The following RAPGEF2 variants were observed in gnomAD, a reference collection of about 807,000 sequenced individuals.
RAPGEF2 encodes Rap guanine nucleotide exchange factor 2, also known as PDZ domain containing guanine nucleotide exchange factor (GEF) 1.
Under a neutral mutation model 186.7 loss-of-function variants are expected in RAPGEF2, and 54 were observed. The ratio of observed to expected loss-of-function variants is 0.29; its 90% CI spans 0.23 to 0.36. The LOEUF is 0.36. Among genes scored for constraint, RAPGEF2 ranks in the 10% least tolerant of loss-of-function variants. RAPGEF2 has a pLI of 1.00. For synonymous variants in RAPGEF2, 712 were observed against 705.9 expected, an observed-to-expected ratio of 1.01 and a Z score of -0.14; for missense variants, 1,532 against 2,045.0, an observed-to-expected ratio of 0.75 and a Z score of 4.84.
chr4:159,309,996 G>A (rs528820181), intron 8 of RAPGEF2, among the ~76,000 whole-genome samples: 2 of 151,854 alleles, frequency 1.3e-5, no homozygotes, highest in African/African-American at 4.8e-5. Context: ...TTTAATAAAG[G>A]ATCAAAACAT....
chr4:159,264,549 C>CT (rs1757221124), intron 7 of RAPGEF2, among the ~76,000 whole-genome samples: 1 of 151,910 alleles, frequency 6.6e-6, no homozygotes, highest in African/African-American at 2.4e-5. Context: ...ATTGTTTAAT[C>CT]CCTGAGTTGC....
At chr4:159,315,577 G>A (rs1001889309) in intron 9 of RAPGEF2, among the ~76,000 whole-genome samples, 5 of 152,120 alleles carry the variant, frequency 3.3e-5, no homozygotes, top group Non-Finnish European at 5.9e-5. Flanking sequence ...TAGTGGCCCC[G>A]AATGCCAGGC....
intron 1 of RAPGEF2, among the ~76,000 whole-genome samples, chr4:159,181,316 T>C (rs1437742164): frequency 6.6e-6 from 1 of 152,246 alleles, no homozygotes; most frequent in Non-Finnish European, 1.5e-5. Context: ...CTTAGACTTC[T>C]CCATCCTTTC....
chr4:159,339,303 G>T lies in RAPGEF2; in HGVS notation c.2483G>T (p.Arg828Ile). ...CCTGAGGGAGTAATCAAACAAAGAA[G>T]ACTTCCAGATCAGCTTTCCAAACTT... The part of the protein sequence containing the change: ...VTPEGVIKQR[R>I]LPDQLSKLAD... The change falls in exon 19 of 30, where the codon AGA becomes ATA. Residue 828 changes from arginine to isoleucine, a missense_variant. Arg to Ile is a moderately conservative substitution (Grantham distance 97). Transcript: ENST00000691494. 3 of 1,614,098 alleles carry T rather than the reference G, an allele frequency of 1.9e-6. No individual in the cohort carries two copies. The highest frequency in any genetic ancestry group is 2.5e-6 in the Non-Finnish European group (3 of 1,179,996).
chr4:159,127,455 G>A (rs1375721609), intron 1 of RAPGEF2, among the ~76,000 whole-genome samples: 1 of 152,126 alleles, frequency 6.6e-6, no homozygotes, highest in East Asian at 1.9e-4. Flanking sequence ...CTCATTTAAT[G>A]CCATGTTCCC....
At chr4:159,343,240 A>G in intron 21 of RAPGEF2, 41 bp from the exon 22 acceptor site, 1 of 1,614,102 alleles carries the variant, frequency 6.2e-7, no homozygotes, top group South Asian at 1.1e-5. Flanking sequence ...AGCACAGAAT[A>G]AATGCCATGT....
intron 1 of RAPGEF2, among the ~76,000 whole-genome samples, chr4:159,106,495 C>G (rs542762801): frequency 6.6e-6 from 1 of 152,210 alleles, no homozygotes; most frequent in African/African-American, 2.4e-5. Context: ...TCCATACAGC[C>G]TTGTCTTATA....
At position 159,111,613 on chromosome 4, in the gene RAPGEF2, C is replaced by G. The variant is rs146987010; in HGVS notation, c.69+7382C>G. 2.7e-3 allele frequency among the ~76,000 whole-genome samples: 410 copies of G among 152,258 alleles called. 1 individual carries two copies. The highest frequency in any genetic ancestry group is 9.2e-3 in the African/African-American group (383 of 41,544). On this transcript the variant is annotated intron_variant, in intron 1 of 29. Transcript: ENST00000691494. ...TCTGGGGAGGTCTGATAGTAACTTT[C>G]TTAGAAGCCAACAATCAGTGGATCT...
At chr4:159,346,362 AT>A (rs1271239158) in intron 24 of RAPGEF2, among the ~76,000 whole-genome samples, 3 of 152,232 alleles carry the variant, frequency 2.0e-5, no homozygotes, top group Non-Finnish European at 4.4e-5. Context: ...AGTTGACAGC[AT>A]TTATTAAATA....
At chr4:159,273,061 G>A (rs1758313702) in intron 7 of RAPGEF2, among the ~76,000 whole-genome samples, 1 of 152,126 alleles carries the variant, frequency 6.6e-6, no homozygotes, top group African/African-American at 2.4e-5. Context: ...AAAGCACCAG[G>A]ACTAATTGTA....
chr4:159,350,270 A>G lies in RAPGEF2; in HGVS notation c.3846A>G (p.Pro1282=). ...SSQLSSPPTS[P]QSSPRKGYTL... is the part of the protein sequence containing the mutation. ...AGCTTTCTTCTCCTCCTACTTCTCC[A>G]CAGAGTTCTCCAAGGAAAGGTAGAA... The change falls in exon 26 of 30, where the codon CCA becomes CCG. Residue 1282 remains proline, a synonymous_variant. Coordinates refer to ENST00000691494, the MANE Select transcript of RAPGEF2 (RefSeq NM_001394067.2). 6.3e-7 allele frequency: 1 copy of G among 1,585,402 alleles called. No individual in the cohort carries two copies. Among genetic ancestry groups the G allele is most frequent in the Non-Finnish European group, 8.6e-7 (1 of 1,168,188 alleles).
intron 7 of RAPGEF2, among the ~76,000 whole-genome samples, chr4:159,251,259 GCCGTC>G (rs2111511635): frequency 6.6e-6 from 1 of 152,362 alleles, no homozygotes; most frequent in South Asian, 2.1e-4. Context: ...CCCGACGGGC[GCCGTC>G]CCTTGCTCTG....
intron 8 of RAPGEF2, among the ~76,000 whole-genome samples, chr4:159,308,268 CA>C (rs1763547002): frequency 6.6e-6 from 1 of 152,104 alleles, no homozygotes; most frequent in South Asian, 2.1e-4. Flanking sequence ...CTATTTGTTT[CA>C]AATTTGATGA....
chr4:159,191,600 G>A (rs577713535), intron 2 of RAPGEF2, among the ~76,000 whole-genome samples: 1 of 152,220 alleles, frequency 6.6e-6, no homozygotes, highest in Admixed American at 6.5e-5. Context: ...TTAGCTGGGC[G>A]TGGTGGCGCG....
At chr4:159,165,654 G>A (rs1045359229) in intron 1 of RAPGEF2, among the ~76,000 whole-genome samples, 5 of 152,148 alleles carry the variant, frequency 3.3e-5, no homozygotes, top group South Asian at 2.1e-4. Context: ...GTCTCAATCC[G>A]TTGACCAGGC....
At chr4:159,158,634 C>T (rs997905786) in intron 1 of RAPGEF2, among the ~76,000 whole-genome samples, 1 of 151,648 alleles carries the variant, frequency 6.6e-6, no homozygotes, top group Non-Finnish European at 1.5e-5. Flanking sequence ...CCTTGGTGGT[C>T]GCAAACAAAA....
chr4:159,212,232 C>T (rs536941060), intron 4 of RAPGEF2, among the ~76,000 whole-genome samples: 1 of 152,260 alleles, frequency 6.6e-6, no homozygotes, highest in Non-Finnish European at 1.5e-5. Flanking sequence ...CCATTGGAAT[C>T]GTAAAGCTCT....
At chr4:159,153,058 T>G (rs1229544456) in intron 1 of RAPGEF2, among the ~76,000 whole-genome samples, 1 of 152,220 alleles carries the variant, frequency 6.6e-6, no homozygotes, top group African/African-American at 2.4e-5. Context: ...TTTATACACT[T>G]TTTTATATTG....
At chr4:159,267,406 T>A in intron 7 of RAPGEF2, 1 of 1,064,176 alleles carries the variant, frequency 9.4e-7, no homozygotes, top group Non-Finnish European at 1.3e-6. Context: ...TTAGTGGCTC[T>A]CTTGCTAGCA....
Sources: gnomAD v4.1 joint callset for allele counts (sites outside exome capture counted in the v4.1 genomes callset) on GRCh38, gnomAD v4.1.1 for gene constraint, MANE v1.5 for transcripts, NCBI Gene and HGNC (gene_info 2026-07-23, HGNC 2026-07-21) for gene names.